Variants in DDR2 observed in about 807,000 individuals in gnomAD.
The protein encoded by DDR2 is discoidin domain receptor tyrosine kinase 2, also known as discoidin domain-containing receptor 2.
A neutral mutation model predicts 94.9 loss-of-function variants in DDR2; 27 were observed. The ratio of observed to expected loss-of-function variants is 0.28; its 90% CI spans 0.21 to 0.39. The LOEUF is 0.39. DDR2 is among the 10% of genes least tolerant of loss of function. The probability of loss-of-function intolerance (pLI) is 1.00; values close to 1 mark genes in which losing one functional copy is unlikely to be tolerated. For synonymous variants in DDR2, 382 were observed against 377.2 expected (o/e 1.01, Z -0.15); for missense variants, 783 against 1,076.0 (o/e 0.73, Z 3.81).
intron 3 of DDR2, among the ~76,000 whole-genome samples, chr1:162,732,538 C>A (rs1662104808): frequency 6.6e-6 from 1 of 152,218 alleles, no homozygotes; most frequent in Non-Finnish European, 1.5e-5. Context: ...CTCAGAGGTT[C>A]TGATATTTAA....
intron 2 of DDR2, among the ~76,000 whole-genome samples, chr1:162,686,499 A>G (rs1659696432): frequency 1.3e-5 from 2 of 152,206 alleles, no homozygotes; most frequent in South Asian, 4.1e-4. Context: ...TAGTTTGCTG[A>G]GAATGATGGC....
chr1:162,654,775 CAT>C (rs1657876007), intron 1 of DDR2, among the ~76,000 whole-genome samples: 1 of 152,144 alleles, frequency 6.6e-6, no homozygotes, highest in African/African-American at 2.4e-5. Context: ...GGCTCAGTGA[CAT>C]GTGCCATTGC....
At chr1:162,662,037 T>C (rs1265462761) in intron 2 of DDR2, among the ~76,000 whole-genome samples, 5 of 152,218 alleles carry the variant, frequency 3.3e-5, no homozygotes, top group Admixed American at 3.3e-4. Context: ...AGGAGTGAAT[T>C]AGAGCCCCTT....
intron 2 of DDR2, among the ~76,000 whole-genome samples, chr1:162,670,332 T>G (rs1658770880): frequency 6.6e-6 from 1 of 152,196 alleles, no homozygotes; most frequent in African/African-American, 2.4e-5. Flanking sequence ...GGTCTGGAAC[T>G]CCTGACCTCG....
chr1:162,654,783 A>C (rs1396367336), intron 1 of DDR2, among the ~76,000 whole-genome samples: 1 of 152,172 alleles, frequency 6.6e-6, no homozygotes, highest in African/African-American at 2.4e-5. Context: ...GACATGTGCC[A>C]TTGCAGCACA....
intron 11 of DDR2, among the ~76,000 whole-genome samples, chr1:162,768,170 G>A (rs1173164076): frequency 6.6e-6 from 1 of 152,172 alleles, no homozygotes. Context: ...GAAATGCATT[G>A]ATTTCTTTCT....
At chr1:162,673,217 C>A (rs1054715580) in intron 2 of DDR2, among the ~76,000 whole-genome samples, 1 of 152,088 alleles carries the variant, frequency 6.6e-6, no homozygotes, top group African/African-American at 2.4e-5. Flanking sequence ...TCTTAGAGGG[C>A]AGCTTTTGGG....
chr1:162,682,514 T>G (rs1006380132), intron 2 of DDR2, among the ~76,000 whole-genome samples: 12 of 152,206 alleles, frequency 7.9e-5, no homozygotes, highest in African/African-American at 2.9e-4. Flanking sequence ...TGTGCTAAAG[T>G]TAATTCTAGG....
intron 2 of DDR2, among the ~76,000 whole-genome samples, chr1:162,656,658 C>A (rs1362135945): frequency 6.6e-6 from 1 of 151,682 alleles, no homozygotes; most frequent in Non-Finnish European, 1.5e-5. Flanking sequence ...TTAACTTGAG[C>A]CTTCACAGTG....
At chr1:162,740,716 G>A (rs1031426671) in intron 3 of DDR2, among the ~76,000 whole-genome samples, 1 of 152,128 alleles carries the variant, frequency 6.6e-6, no homozygotes, top group African/African-American at 2.4e-5. Context: ...AAGGCACTTT[G>A]TTTTGTTTAC....
intron 16 of DDR2, among the ~76,000 whole-genome samples, chr1:162,777,322 G>A (rs1647622954): frequency 6.6e-6 from 1 of 151,788 alleles, no homozygotes; most frequent in South Asian, 2.1e-4. Flanking sequence ...ATGACACTAT[G>A]CCATACAATT....
intron 3 of DDR2, among the ~76,000 whole-genome samples, chr1:162,737,703 T>G (rs1662380088): frequency 8.9e-6 from 1 of 112,558 alleles, no homozygotes; most frequent in African/African-American, 3.4e-5. Context: ...CAAATGGTAT[T>G]TCTAGTTCTA....
intron 12 of DDR2, among the ~76,000 whole-genome samples, chr1:162,771,597 A>G (rs16844884): frequency 0.07 from 10,693 of 152,242 alleles, 372 homozygotes; most frequent in African/African-American, 0.079. Context: ...TTAAGTTAGA[A>G]TATGTCTTAA....
At chr1:162,668,570 T>A (rs1236506579) in intron 2 of DDR2, among the ~76,000 whole-genome samples, 4 of 152,164 alleles carry the variant, frequency 2.6e-5, no homozygotes, top group African/African-American at 9.7e-5. Context: ...GCTCTTGCAA[T>A]CACTCCAATC....
intron 2 of DDR2, among the ~76,000 whole-genome samples, chr1:162,703,874 T>C (rs1660538591): frequency 6.6e-6 from 1 of 152,164 alleles, no homozygotes; most frequent in Admixed American, 6.5e-5. Context: ...TTTGATACTT[T>C]GTGCGCATGC....
At chr1:162,643,200 C>T (rs1054347096) in intron 1 of DDR2, among the ~76,000 whole-genome samples, 7 of 152,104 alleles carry the variant, frequency 4.6e-5, no homozygotes, top group African/African-American at 9.7e-5. Flanking sequence ...GATCCACCAG[C>T]GCCCCCCATG....
At chr1:162,655,126 C>T (rs563327170) in intron 1 of DDR2, 85 bp from the exon 2 acceptor site, 26 of 151,994 alleles carry the variant, frequency 1.7e-4, no homozygotes, top group Admixed American at 1.2e-3. Flanking sequence ...TTCTGTTGCA[C>T]GGCGCTGGAC....
chr1:162,671,953 T>C (rs528099806), intron 2 of DDR2, among the ~76,000 whole-genome samples: 18 of 152,358 alleles, frequency 1.2e-4, no homozygotes, highest in Non-Finnish European at 1.6e-4. Context: ...CATTTGTTTG[T>C]CACTCTCAAT....
intron 2 of DDR2, among the ~76,000 whole-genome samples, chr1:162,666,185 A>G (rs1658552257): frequency 6.6e-6 from 1 of 152,184 alleles, no homozygotes; most frequent in African/African-American, 2.4e-5. Context: ...GTCAGGTTAG[A>G]TGAACAGTTC....
Sources: gnomAD v4.1 joint callset for allele counts (sites outside exome capture counted in the v4.1 genomes callset) on GRCh38, gnomAD v4.1.1 for gene constraint, MANE v1.5 for transcripts, NCBI Gene and HGNC (gene_info 2026-07-23, HGNC 2026-07-21) for gene names.